Variants in XKR4 observed in about 807,000 individuals in gnomAD.
XKR4 encodes XK related 4, also known as XK-related protein 4.
XKR4 carries 12 observed loss-of-function variants against 53.9 expected under a neutral mutation model. That is an observed-to-expected ratio of 0.22 (90% CI 0.14 to 0.36). The LOEUF (loss-of-function observed/expected upper bound fraction) is 0.36. Ranked by LOEUF, XKR4 falls within the 10% of genes least tolerant of loss-of-function variation. The pLI, the probability that XKR4 is intolerant of heterozygous loss-of-function variation, is 1.00. For missense variants in XKR4, 799 were observed against 859.5 expected, an observed-to-expected ratio of 0.93 and a Z score of 0.88; for synonymous variants, 354 against 362.4, an observed-to-expected ratio of 0.98 and a Z score of 0.26.
chr8:55,371,870 G>T (rs756666710), intron 2 of XKR4, among the ~76,000 whole-genome samples: 5 of 152,216 alleles, frequency 3.3e-5, no homozygotes, highest in Admixed American at 6.5e-5. Flanking sequence ...GCTGTGAATA[G>T]CTTTGAAGTT....
intron 2 of XKR4, chr8:55,451,799 G>T (rs1025681985): frequency 3.0e-6 from 3 of 1,008,822 alleles, no homozygotes; most frequent in East Asian, 2.5e-5. Context: ...TGATAGTCGC[G>T]GCAGCAAGCC....
intron 1 of XKR4, among the ~76,000 whole-genome samples, chr8:55,341,772 A>G (rs1178977578): frequency 6.6e-6 from 1 of 152,026 alleles, no homozygotes. Context: ...CCTCCTGAAC[A>G]TTCACACCTC....
chr8:55,132,549 C>T (rs1297519124), intron 1 of XKR4, among the ~76,000 whole-genome samples: 1 of 152,168 alleles, frequency 6.6e-6, no homozygotes, highest in African/African-American at 2.4e-5. Context: ...AAATATCTTA[C>T]TGTACTGTAC....
chr8:55,332,671 A>G (rs996996026), intron 1 of XKR4, among the ~76,000 whole-genome samples: 2 of 152,064 alleles, frequency 1.3e-5, no homozygotes, highest in African/African-American at 4.8e-5. Context: ...AGTGTTAATT[A>G]TCTTATTGAG....
intron 1 of XKR4, among the ~76,000 whole-genome samples, chr8:55,332,861 G>T (rs758673615): frequency 1.3e-5 from 2 of 149,104 alleles, no homozygotes; most frequent in East Asian, 2.0e-4. Context: ...TCCATAATAT[G>T]TATGTTAGTT....
At position 55,155,183 on chromosome 8, in the gene XKR4, C is replaced by T. The variant is rs149188361; in HGVS notation, c.806+51889C>T. 2.9e-3 allele frequency among the ~76,000 whole-genome samples: 440 copies of T among 152,246 alleles called. 3 individuals are homozygous for T. The Middle Eastern group carries it at 0.037, about 13-fold the overall frequency. On this transcript the variant is annotated intron_variant, in intron 1 of 2. Coordinates refer to ENST00000327381, the MANE Select transcript of XKR4 (RefSeq NM_052898.2). ...AAAACACATTGAATATAATGCTGCG[C>T]GCTGATCTCCAAGATCCCTGCCCTC...
In XKR4 at chr8:55,103,121, G is replaced by T. The variant is rs772938675; in HGVS notation, c.633G>T (p.Thr211=). 1.3e-5 allele frequency: 21 copies of T among 1,613,440 alleles called. No homozygotes were observed. In the Middle Eastern group the frequency reaches 6.6e-4, roughly 51 times the overall value. The change falls in exon 1 of 3, where the codon ACG becomes ACT. Residue 211 remains threonine (T), a synonymous_variant. Coordinates refer to ENST00000327381, the MANE Select transcript of XKR4 (RefSeq NM_052898.2). Reference sequence around the variant, plus strand: ...GGGAAGGCGAGGCTCGTCCTTCCACGCCGCAAAGGCAAGCATCTAACGCCA... The same window carrying T: ...GGGAAGGCGAGGCTCGTCCTTCCACTCCGCAAAGGCAAGCATCTAACGCCA... ...AAGEGEARPS[T]PQRQASNASK... is the part of the protein sequence containing the mutation.
chr8:55,432,778 G>A lies in XKR4; in HGVS notation c.1006+74901G>A, dbSNP rs143790925. ...TTAACTTTTTCCCAAAAAAGTCTAC[G>A]CTTGGCCCTCTAAAATCTAGGCTCT... On this transcript the variant is annotated intron_variant, in intron 2 of 2. Coordinates refer to ENST00000327381, the MANE Select transcript of XKR4 (RefSeq NM_052898.2). Among the ~76,000 whole-genome samples the A allele has an allele frequency of 1.3e-4, 20 of 151,828 alleles. No individual in the cohort carries two copies. The East Asian group carries it at 2.9e-3, about 22-fold the overall frequency.
chr8:55,211,461 G>T (rs113882865), intron 1 of XKR4, among the ~76,000 whole-genome samples: 196 of 152,190 alleles, frequency 1.3e-3, no homozygotes, highest in African/African-American at 4.6e-3. Context: ...TCCTACGTTA[G>T]GAAGGGAGTA....
At chr8:55,475,119 T>C (rs554057166) in intron 2 of XKR4, among the ~76,000 whole-genome samples, 1 of 152,228 alleles carries the variant, frequency 6.6e-6, no homozygotes, top group South Asian at 2.1e-4. Context: ...AGTACACGGA[T>C]ACCAAGGCAG....
At chr8:55,195,467 T>A (rs950026354) in intron 1 of XKR4, among the ~76,000 whole-genome samples, 2 of 97,828 alleles carry the variant, frequency 2.0e-5, no homozygotes, top group African/African-American at 6.8e-5. Context: ...ATATATAGCC[T>A]AAATATAAAT....
chr8:55,457,146 C>CTTTTCTTTTTTTTTTTTTTTTTT (rs533607534), intron 2 of XKR4, among the ~76,000 whole-genome samples: 3 of 137,234 alleles, frequency 2.2e-5, no homozygotes, highest in African/African-American at 2.7e-5. Context: ...TTTTCCTTTT[C>CTTTTCTTTTTTTTTTTTTTTTTT]TTTTTTTTTT....
At chr8:55,522,447 C>G (rs944743269) in intron 2 of XKR4, among the ~76,000 whole-genome samples, 1 of 152,176 alleles carries the variant, frequency 6.6e-6, no homozygotes, top group Admixed American at 6.5e-5. Context: ...CACCAGGTAT[C>G]ACAAGAAACA....
intron 2 of XKR4, among the ~76,000 whole-genome samples, chr8:55,514,692 T>C (rs1278738747): frequency 6.6e-6 from 1 of 152,154 alleles, no homozygotes; most frequent in Non-Finnish European, 1.5e-5. Context: ...AAAAAAATCA[T>C]TCAGTGTCTT....
intron 2 of XKR4, among the ~76,000 whole-genome samples, chr8:55,493,901 G>C (rs1386146005): frequency 2.6e-5 from 4 of 152,218 alleles, no homozygotes; most frequent in African/African-American, 9.6e-5. Context: ...ATGTAAGTTA[G>C]TAATCTTCGT....
intron 1 of XKR4, among the ~76,000 whole-genome samples, chr8:55,329,297 C>G (rs766383145): frequency 7.9e-5 from 12 of 152,134 alleles, no homozygotes; most frequent in East Asian, 1.9e-4. Flanking sequence ...CCAATGCCCA[C>G]AGCTGCATGT....
At chr8:55,421,902 A>G (rs1000197064) in intron 2 of XKR4, among the ~76,000 whole-genome samples, 21 of 152,230 alleles carry the variant, frequency 1.4e-4, no homozygotes, top group African/African-American at 4.8e-4. Flanking sequence ...CCTTGGTTCC[A>G]GCCCCACCTT....
At chr8:55,323,533 C>CT (rs1210758411) in intron 1 of XKR4, among the ~76,000 whole-genome samples, 1 of 152,126 alleles carries the variant, frequency 6.6e-6, no homozygotes, top group East Asian at 1.9e-4. Flanking sequence ...TCCTCTGTTC[C>CT]TTTTTATTGC....
At chr8:55,176,797 A>C (rs953950375) in intron 1 of XKR4, among the ~76,000 whole-genome samples, 4 of 152,260 alleles carry the variant, frequency 2.6e-5, no homozygotes, top group Admixed American at 1.3e-4. Flanking sequence ...TAATGATTGC[A>C]TGAGAATCAT....
Sources: gnomAD v4.1 joint callset for allele counts (sites outside exome capture counted in the v4.1 genomes callset) on GRCh38, gnomAD v4.1.1 for gene constraint, MANE v1.5 for transcripts, NCBI Gene and HGNC (gene_info 2026-07-23, HGNC 2026-07-21) for gene names.